KCNQ5: variants seen among roughly 807,000 people sequenced by gnomAD.
The protein encoded by KCNQ5 is potassium voltage-gated channel subfamily KQT member 5.
A neutral mutation model predicts 98.2 loss-of-function variants in KCNQ5; 30 were observed. The ratio of observed to expected loss-of-function variants is 0.31; its 90% confidence interval spans 0.23 to 0.41. The LOEUF (loss-of-function observed/expected upper bound fraction) is 0.41, where lower values mean the gene tolerates loss of function less well. KCNQ5 is among the 10% of genes least tolerant of loss of function. The pLI, the probability that KCNQ5 is intolerant of heterozygous loss-of-function variation, is 1.00. For missense variants in KCNQ5, 835 were observed against 1,182.5 expected, an observed-to-expected ratio of 0.71 and a Z score of 4.31; for synonymous variants, 458 against 449.4, an observed-to-expected ratio of 1.02 and a Z score of -0.24.
chr6:73,051,705 CAAAAAA>C (rs201199934), intron 3 of KCNQ5, among the ~76,000 whole-genome samples: 4 of 97,166 alleles, frequency 4.1e-5, no homozygotes, highest in African/African-American at 1.7e-4. Context: ...AAGATAGAGG[CAAAAAA>C]AAAAAAAAAA....
At chr6:72,919,683 T>TA (rs1351406768) in intron 1 of KCNQ5, among the ~76,000 whole-genome samples, 1 of 152,114 alleles carries the variant, frequency 6.6e-6, no homozygotes, top group African/African-American at 2.4e-5. Flanking sequence ...AATTAGAATG[T>TA]AAAAAATATA....
intron 1 of KCNQ5, among the ~76,000 whole-genome samples, chr6:72,835,158 G>A (rs1277428144): frequency 6.6e-6 from 1 of 151,882 alleles, no homozygotes; most frequent in Non-Finnish European, 1.5e-5. Context: ...TGTGTATAAT[G>A]GTTTCTTTCC....
intron 1 of KCNQ5, among the ~76,000 whole-genome samples, chr6:72,636,970 G>A (rs1268734164): frequency 2.0e-5 from 3 of 152,196 alleles, no homozygotes; most frequent in Non-Finnish European, 4.4e-5. Flanking sequence ...AAACTTTGGA[G>A]CTCGGCGTTC....
chr6:72,834,219 T>C (rs1776408812), intron 1 of KCNQ5, among the ~76,000 whole-genome samples: 1 of 151,970 alleles, frequency 6.6e-6, no homozygotes, highest in Admixed American at 6.6e-5. Context: ...TTTTTAAGAC[T>C]TAAAAAAGAA....
chr6:73,011,225 A>G (rs60339401), intron 2 of KCNQ5, among the ~76,000 whole-genome samples: 4,912 of 152,178 alleles, frequency 0.032, 268 homozygotes, highest in African/African-American at 0.11. Context: ...AACATTATGA[A>G]TGTATTTAAT....
intron 1 of KCNQ5, among the ~76,000 whole-genome samples, chr6:72,882,268 T>C (rs147853206): frequency 6.6e-6 from 1 of 152,362 alleles, no homozygotes; most frequent in East Asian, 1.9e-4. Context: ...AGACCTGTGC[T>C]ATCACAGATA....
chr6:73,005,652 G>C (rs1769780248), intron 2 of KCNQ5, among the ~76,000 whole-genome samples: 1 of 151,498 alleles, frequency 6.6e-6, no homozygotes, highest in Non-Finnish European at 1.5e-5. Context: ...GTGAACAATG[G>C]ATCAGAGTTT....
intron 2 of KCNQ5, among the ~76,000 whole-genome samples, chr6:73,038,667 T>C (rs992565032): frequency 2.6e-5 from 4 of 152,106 alleles, no homozygotes; most frequent in African/African-American, 9.6e-5. Context: ...TATTGATTGA[T>C]TTCAACCATT....
intron 6 of KCNQ5, among the ~76,000 whole-genome samples, chr6:73,105,888 G>T (rs891350716): frequency 1.3e-5 from 2 of 151,944 alleles, no homozygotes; most frequent in African/African-American, 4.8e-5. Context: ...TCAGAATAAA[G>T]GGCACATTTA....
chr6:73,175,378 G>A (rs773673135), intron 11 of KCNQ5, among the ~76,000 whole-genome samples: 3 of 148,348 alleles, frequency 2.0e-5, no homozygotes, highest in South Asian at 2.1e-4. Flanking sequence ...TCGAACTCTC[G>A]ACCTCAGGTG....
intron 5 of KCNQ5, among the ~76,000 whole-genome samples, chr6:73,091,137 C>T (rs1362487391): frequency 6.6e-6 from 1 of 152,144 alleles, no homozygotes; most frequent in East Asian, 1.9e-4. Context: ...GAATACTATA[C>T]AGCCATAAAA....
chr6:72,952,022 A>G (rs1766829898), intron 1 of KCNQ5, among the ~76,000 whole-genome samples: 1 of 152,246 alleles, frequency 6.6e-6, no homozygotes, highest in Non-Finnish European at 1.5e-5. Flanking sequence ...GACACACTGA[A>G]GTCATTACTT....
intron 11 of KCNQ5, among the ~76,000 whole-genome samples, chr6:73,181,236 T>A (rs1244226548): frequency 2.0e-5 from 3 of 152,208 alleles, no homozygotes; most frequent in Non-Finnish European, 4.4e-5. Flanking sequence ...CTGGGGCATA[T>A]CAGTTTTGTG....
chr6:72,707,403 T>C (rs1388610823), intron 1 of KCNQ5, among the ~76,000 whole-genome samples: 2 of 152,200 alleles, frequency 1.3e-5, no homozygotes, highest in African/African-American at 2.4e-5. Context: ...ATTATCCTTA[T>C]ATGTGTGTAC....
intron 1 of KCNQ5, among the ~76,000 whole-genome samples, chr6:72,965,885 G>T (rs939807514): frequency 6.6e-6 from 1 of 152,158 alleles, no homozygotes; most frequent in African/African-American, 2.4e-5. Flanking sequence ...GAATAATATT[G>T]TCATGGATTT....
chr6:73,061,902 A>T (rs1772798746), intron 3 of KCNQ5, among the ~76,000 whole-genome samples: 2 of 152,130 alleles, frequency 1.3e-5, no homozygotes, highest in African/African-American at 4.8e-5. Flanking sequence ...GATACCTACA[A>T]TCAGAAAAAA....
intron 10 of KCNQ5, among the ~76,000 whole-genome samples, chr6:73,147,842 G>A (rs1352700625): frequency 6.6e-6 from 1 of 152,018 alleles, no homozygotes; most frequent in African/African-American, 2.4e-5. Context: ...TATTAAAATC[G>A]TTATTGCTGA....
At chr6:73,139,272 A>G (rs1340036166) in intron 10 of KCNQ5, among the ~76,000 whole-genome samples, 3 of 152,202 alleles carry the variant, frequency 2.0e-5, no homozygotes, top group African/African-American at 7.2e-5. Context: ...ACCAGCATGG[A>G]GGATGGGACC....
intron 1 of KCNQ5, among the ~76,000 whole-genome samples, chr6:72,819,691 GGGCTCT>G (rs1342427726): frequency 6.6e-6 from 1 of 152,148 alleles, no homozygotes; most frequent in African/African-American, 2.4e-5. Flanking sequence ...AGTGTCCCAG[GGGCTCT>G]GGCCGACAGG....
Sources: allele counts gnomAD v4.1 joint callset (sites outside exome capture counted in the v4.1 genomes callset), GRCh38; gene constraint gnomAD v4.1.1; transcripts MANE v1.5; gene names NCBI Gene and HGNC (gene_info 2026-07-23, HGNC 2026-07-21).